Variants in ADGRL3 observed in about 807,000 individuals in gnomAD.
ADGRL3 encodes adhesion G protein-coupled receptor L3.
A neutral mutation model predicts 153.5 loss-of-function variants in ADGRL3; 62 were observed. The ratio of observed to expected loss-of-function variants is 0.40; its 90% CI spans 0.33 to 0.50. The LOEUF is 0.50. ADGRL3 is among the 20% of genes least tolerant of loss of function. The pLI is 0.47. For missense variants in ADGRL3, 1,641 were observed against 1,859.4 expected (o/e 0.88, Z 2.16); for synonymous variants, 710 against 672.5 (o/e 1.06, Z -0.86).
intron 9 of ADGRL3, among the ~76,000 whole-genome samples, chr4:61,875,016 G>T (rs984464925): frequency 4.0e-5 from 6 of 150,818 alleles, no homozygotes; most frequent in African/African-American, 1.5e-4. Context: ...CACCTTGTTA[G>T]TCAGGATGGT....
intron 17 of ADGRL3, among the ~76,000 whole-genome samples, chr4:61,957,809 G>C (rs1268821322): frequency 6.6e-6 from 1 of 151,616 alleles, no homozygotes; most frequent in Admixed American, 6.6e-5. Context: ...GAAAAATGTT[G>C]AACCTTTTAG....
At chr4:61,882,489 C>T (rs2098514320) in intron 9 of ADGRL3, among the ~76,000 whole-genome samples, 1 of 152,166 alleles carries the variant, frequency 6.6e-6, no homozygotes, top group African/African-American at 2.4e-5. Flanking sequence ...CTCAAGTGAT[C>T]CTATTAAGTG....
At chr4:61,668,516 T>C (rs755637717) in intron 5 of ADGRL3, among the ~76,000 whole-genome samples, 9 of 152,214 alleles carry the variant, frequency 5.9e-5, no homozygotes, top group Non-Finnish European at 1.0e-4. Context: ...TCTTTGGTTA[T>C]ATTGTCACTT....
intron 11 of ADGRL3, among the ~76,000 whole-genome samples, chr4:61,905,442 C>T (rs2098690772): frequency 6.6e-6 from 1 of 152,030 alleles, no homozygotes; most frequent in South Asian, 2.1e-4. Context: ...ACCAGTGGGC[C>T]ACAAATGCTA....
chr4:61,385,926 T>G (rs968365679), intron 2 of ADGRL3, among the ~76,000 whole-genome samples: 6 of 152,144 alleles, frequency 3.9e-5, no homozygotes, highest in Admixed American at 3.9e-4. Context: ...TATGTATCTA[T>G]CTCTTTCTTT....
At chr4:61,892,173 TTC>T (rs1259398186) in intron 9 of ADGRL3, among the ~76,000 whole-genome samples, 4 of 118,262 alleles carry the variant, frequency 3.4e-5, no homozygotes, top group Non-Finnish European at 5.3e-5. Context: ...GCAGTTTAAT[TTC>T]TGTTTCCTTT....
At chr4:61,731,022 C>T (rs1018829317) in intron 7 of ADGRL3, among the ~76,000 whole-genome samples, 27 of 151,876 alleles carry the variant, frequency 1.8e-4, no homozygotes, top group African/African-American at 5.3e-4. Context: ...AAAAGTTTTT[C>T]GAACCACCTA....
rs902887288 is a variant in ADGRL3, at chr4:61,746,891, AC to A, written c.1399+13340del. Among the ~76,000 whole-genome samples, 359 of 152,174 alleles carry A rather than the reference AC, an allele frequency of 2.4e-3. 2 individuals carry two copies. Among genetic ancestry groups the A allele is most frequent in the African/African-American group, 8.3e-3 (343 of 41,536 alleles). ...ACTGAAGGAAATAGAGACACAAAAAACCCTTCAAAAAATTAATGAATCCAGG... is the reference window on the plus strand; with the variant it reads ...ACTGAAGGAAATAGAGACACAAAAAACCTTCAAAAAATTAATGAATCCAGG... On this transcript the variant is annotated intron_variant, in intron 8 of 26. Transcript: ENST00000683033.
At chr4:61,203,999 T>C (rs944201929) in intron 1 of ADGRL3, among the ~76,000 whole-genome samples, 2 of 152,120 alleles carry the variant, frequency 1.3e-5, no homozygotes, top group Non-Finnish European at 2.9e-5. Flanking sequence ...CAAGTGAAAC[T>C]GCTTTTTACT....
intron 17 of ADGRL3, among the ~76,000 whole-genome samples, chr4:61,949,771 G>T (rs2098940070): frequency 6.6e-6 from 1 of 152,076 alleles, no homozygotes; most frequent in East Asian, 1.9e-4. Flanking sequence ...AATTTCATAT[G>T]CATTAGTCTT....
chr4:61,354,772 G>A (rs1035552389), intron 1 of ADGRL3, among the ~76,000 whole-genome samples: 2 of 152,064 alleles, frequency 1.3e-5, no homozygotes, highest in Non-Finnish European at 2.9e-5. Context: ...ATTCCAAGTC[G>A]TATACATTTC....
At chr4:61,604,072 T>C (rs2099022720) in intron 5 of ADGRL3, among the ~76,000 whole-genome samples, 1 of 152,172 alleles carries the variant, frequency 6.6e-6, no homozygotes. Flanking sequence ...GCACCTAAGG[T>C]CTTTTCCCTG....
At chr4:61,250,096 G>A (rs1758663130) in intron 1 of ADGRL3, among the ~76,000 whole-genome samples, 1 of 152,188 alleles carries the variant, frequency 6.6e-6, no homozygotes, top group Non-Finnish European at 1.5e-5. Flanking sequence ...GTGTTGGGAT[G>A]TAAGTATATT....
At chr4:61,684,602 G>A (rs2095409291) in intron 6 of ADGRL3, among the ~76,000 whole-genome samples, 1 of 151,990 alleles carries the variant, frequency 6.6e-6, no homozygotes, top group Non-Finnish European at 1.5e-5. Flanking sequence ...AGTGGTCGTG[G>A]GCCAGATTCA....
intron 4 of ADGRL3, among the ~76,000 whole-genome samples, chr4:61,550,875 A>G (rs1497917): frequency 0.11 from 16,058 of 152,084 alleles, 2,335 homozygotes; most frequent in African/African-American, 0.32. Context: ...CTGGCCAACT[A>G]AGTAATTACC....
In ADGRL3 at chr4:61,733,558, A is replaced by C. The variant is rs571055684; in HGVS notation, c.1399+4A>C. 1 of 1,596,242 alleles carries C rather than the reference A, an allele frequency of 6.3e-7. No individual in the cohort carries two copies. Among genetic ancestry groups the C allele is most frequent in the South Asian group, 1.1e-5 (1 of 90,060 alleles). ...GGACCTCTGGATAGTAGATCAGGTA[A>C]GTTCAACCTTTTGTGGTACTCTTTG... On this transcript the variant is annotated splice_donor_region_variant and intron_variant, in intron 8 of 26. Coordinates refer to ENST00000683033, the MANE Select transcript of ADGRL3 (RefSeq NM_001387552.1).
At chr4:61,358,545 G>T (rs574642930) in intron 1 of ADGRL3, among the ~76,000 whole-genome samples, 3 of 145,452 alleles carry the variant, frequency 2.1e-5, no homozygotes, top group African/African-American at 7.6e-5. Flanking sequence ...TGCAGTGAGT[G>T]GAGATCGTGC....
At chr4:61,308,984 A>ATGTT (rs1235039854) in intron 1 of ADGRL3, among the ~76,000 whole-genome samples, 1 of 152,130 alleles carries the variant, frequency 6.6e-6, no homozygotes, top group African/African-American at 2.4e-5. Flanking sequence ...GGTAATATAT[A>ATGTT]TGTTTGGCAA....
At chr4:61,797,771 T>A in intron 8 of ADGRL3, among the ~76,000 whole-genome samples, 1 of 152,194 alleles carries the variant, frequency 6.6e-6, no homozygotes, top group Non-Finnish European at 1.5e-5. Context: ...GTCAATGAAT[T>A]CCCAGTTCTT....
Sources: gnomAD v4.1 joint callset for allele counts (sites outside exome capture counted in the v4.1 genomes callset) on GRCh38, gnomAD v4.1.1 for gene constraint, MANE v1.5 for transcripts, NCBI Gene and HGNC (gene_info 2026-07-23, HGNC 2026-07-21) for gene names.